The following SLC16A14 variants were observed in gnomAD, a reference collection of about 807,000 sequenced individuals.
SLC16A14 encodes the protein solute carrier family 16 member 14.
A neutral mutation model predicts 35.8 loss-of-function variants in SLC16A14; 14 were observed. The ratio of observed to expected loss-of-function variants is 0.39; its 90% CI spans 0.26 to 0.61. The LOEUF is 0.61. Among genes scored for constraint, SLC16A14 ranks in the 20% least tolerant of loss-of-function variants. The probability of loss-of-function intolerance (pLI) is 0.51; values close to 1 mark genes in which losing one functional copy is unlikely to be tolerated. For synonymous variants in SLC16A14, 248 were observed against 258.9 expected, an observed-to-expected ratio of 0.96 and a Z score of 0.40; for missense variants, 533 against 655.0, an observed-to-expected ratio of 0.81 and a Z score of 2.03.
Position 230,046,241 on chromosome 2 carries a change from C to T in SLC16A14, c.885G>A (p.Lys295=). The T allele has an allele frequency of 6.2e-7, 1 of 1,614,198 alleles. No homozygotes were observed. The highest frequency in any genetic ancestry group is 1.1e-5 in the South Asian group (1 of 91,086). The change falls in exon 4 of 5, where the codon AAG becomes AAA. Residue 295 remains lysine (K), a synonymous_variant. Coordinates refer to ENST00000295190, the MANE Select transcript of SLC16A14 (RefSeq NM_152527.5). The surrounding 1 kb of genome is among the most constrained non-coding windows in gnomAD (Gnocchi z 5.0). ...AGCCCGAATACCAGTCCTCGAAGCC[C>T]TTCCTGACTCTCATGGTGAGCCAGC... The part of the protein sequence containing the change: ...TVSWLTMRVR[K]GFEDWYSGYF...
chr2:230,042,917 T>G (rs997855819), intron 4 of SLC16A14, among the ~76,000 whole-genome samples: 36 of 152,294 alleles, frequency 2.4e-4, no homozygotes, highest in African/African-American at 8.4e-4. Flanking sequence ...TGTGTCACCA[T>G]GAGGCAGTCA....
Position 230,046,379 on chromosome 2 carries a change from C to T in SLC16A14, c.747G>A (p.Lys249=), listed in dbSNP as rs553774163. The T allele has an allele frequency of 5.0e-6, 8 of 1,614,222 alleles. No individual in the cohort carries two copies. The African/African-American group carries it at 1.1e-4, about 22-fold the overall frequency. Residue 249 remains lysine (K), a synonymous_variant, in exon 4 of 5, where the codon AAG becomes AAA. Coordinates refer to ENST00000295190, the MANE Select transcript of SLC16A14 (RefSeq NM_152527.5). This position sits in a 1 kb window ranked among gnomAD's most constrained non-coding sequence, Gnocchi z 5.0. ...STGQQGRTEE[K]DGGLGNEETL... ...TCTCCTCGTTCCCGAGCCCACCATC[C>T]TTCTCTTCTGTTCTTCCCTGCTGTC...
Position 230,037,206 on chromosome 2 carries a change from CCAAA to C in SLC16A14, c.*170_*173del, listed in dbSNP as rs1443012533. 38 of 501,348 alleles carry C rather than the reference CCAAA, an allele frequency of 7.6e-5. No homozygotes were observed. Among genetic ancestry groups the C allele is most frequent in the Middle Eastern group, 3.4e-4 (1 of 2,942 alleles). The allele number at this position is 501,348 out of a possible 1,614,324, so 31.1% of individuals were successfully genotyped here. A position where few individuals can be genotyped will look rare whatever the true frequency, so the allele number is the denominator to read the frequency against. On this transcript the variant is annotated 3_prime_UTR_variant, in exon 5 of 5. Coordinates refer to ENST00000295190, the MANE Select transcript of SLC16A14 (RefSeq NM_152527.5). ...TAAGATCTTCCAGCATTACATCTCC[CCAAA>C]CAGAGAGGCAGTGCTGCTTACAAAT...
At position 230,049,819 on chromosome 2, in the gene SLC16A14, C is replaced by T. The variant is rs757619653; in HGVS notation, c.345G>A (p.Val115=). The T allele has an allele frequency of 3.1e-6, 5 of 1,614,194 alleles. No homozygotes were observed. Among genetic ancestry groups the T allele is most frequent in the Non-Finnish European group, 4.2e-6 (5 of 1,180,030 alleles). Residue 115 remains valine (V), a synonymous_variant, in exon 3 of 5, where the codon GTG becomes GTA. Transcript: ENST00000295190. ...IGGLVNSLGW[V]LSAYAANVHY... ...GCACGTTTGCAGCATAGGCACTCAA[C>T]ACCCAGCCCAGGGAGTTGACGAGCC...
intron 2 of SLC16A14, among the ~76,000 whole-genome samples, chr2:230,056,743 G>A (rs1440046060): frequency 1.3e-5 from 2 of 151,924 alleles, no homozygotes; most frequent in Non-Finnish European, 2.9e-5. Flanking sequence ...GGTAGCATAT[G>A]CCTGTAGTTT....
At chr2:230,067,977 A>G (rs955408425) in intron 1 of SLC16A14, 1 of 151,338 alleles carries the variant, frequency 6.6e-6, no homozygotes, top group Non-Finnish European at 1.5e-5. Context: ...CCGAGACCAC[A>G]TCCCCACTTC....
At position 230,060,752 on chromosome 2, in the gene SLC16A14, GGA is replaced by G. The variant is rs368578384; in HGVS notation, c.-14-1388_-14-1387del. On this transcript the variant is annotated intron_variant, in intron 1 of 4. Transcript: ENST00000295190. ...AGGATAAGGAGCAGGAGTCGGGGGTGGAGAGAGAGAGATATTATGATGATAAT... is the reference window on the plus strand; with the variant it reads ...AGGATAAGGAGCAGGAGTCGGGGGTGGAGAGAGAGATATTATGATGATAAT... Among the ~76,000 whole-genome samples the G allele has an allele frequency of 8.6e-5, 13 of 151,700 alleles. No homozygotes were observed. In the East Asian group the frequency reaches 1.7e-3, roughly 20 times the overall value.
At chr2:230,037,557 A>C in intron 4 of SLC16A14, 26 bp from the exon 5 acceptor site, 2 of 1,542,544 alleles carry the variant, frequency 1.3e-6, no homozygotes, top group Non-Finnish European at 1.7e-6. Flanking sequence ...GAATATATTC[A>C]GTGTCATGGA....
chr2:230,046,285 G>T lies in SLC16A14; in HGVS notation c.841C>A (p.Arg281=), dbSNP rs773202995. 6.2e-6 allele frequency: 10 copies of T among 1,614,148 alleles called. No homozygotes were observed. In the South Asian group the frequency reaches 1.1e-4, roughly 18 times the overall value. Residue 281 remains arginine (R), a synonymous_variant, in exon 4 of 5, where the codon CGG becomes AGG. Transcript: ENST00000295190. This position sits in a 1 kb window ranked among gnomAD's most constrained non-coding sequence, Gnocchi z 5.0. The stretch of plus-strand genomic sequence containing the variant: ...AGCCAGCTGACAGTCTTCAGAATCC[G>T]GAGGGCACACATGTTCTTCCTGTGC... ...AGHRKNMCAL[R]ILKTVSWLTM...
At chr2:230,058,161 A>T (rs547252872) in intron 2 of SLC16A14, 38 of 152,250 alleles carry the variant, frequency 2.5e-4, no homozygotes, top group Non-Finnish European at 5.1e-4. Flanking sequence ...GTACATAATG[A>T]ATTATAATGG....
At chr2:230,040,950 T>C (rs984822859) in intron 4 of SLC16A14, among the ~76,000 whole-genome samples, 3 of 152,180 alleles carry the variant, frequency 2.0e-5, no homozygotes, top group African/African-American at 4.8e-5. Context: ...GCCCTCCTCA[T>C]GCATCCTTCA....
intron 1 of SLC16A14, chr2:230,066,588 G>C: frequency 4.8e-6 from 2 of 417,914 alleles, no homozygotes; most frequent in South Asian, 1.7e-5. Flanking sequence ...TCAGATATTA[G>C]AACAAAATTA....
Position 230,046,077 on chromosome 2 carries a change from T to A in SLC16A14, c.1049A>T (p.Asn350Ile). 6.2e-7 allele frequency: 1 copy of A among 1,614,150 alleles called. No individual in the cohort carries two copies. The highest frequency in any genetic ancestry group is 8.5e-7 in the Non-Finnish European group (1 of 1,179,988). ...AATTGACGTCAGAGGGAAAACGTCG[T>A]TTTGCTCCGATAAGTTATACAAATT... is the stretch of plus-strand genomic sequence containing the variant. ...IVNLYNLSEQ[N>I]DVFPLTSIIA... The change falls in exon 4 of 5, where the codon AAC (asparagine) becomes ATC (isoleucine). Residue 350 changes from asparagine (N) to isoleucine (I), a missense_variant. Asn to Ile is a moderately radical substitution (Grantham distance 149, BLOSUM62 -3). Transcript: ENST00000295190. This position sits in a 1 kb window ranked among gnomAD's most constrained non-coding sequence, Gnocchi z 5.0.
Position 230,046,290 on chromosome 2 carries a change from GCA to G in SLC16A14, c.834_835del (p.Ala279ProfsTer66). 1 of 1,614,172 alleles carries G rather than the reference GCA, an allele frequency of 6.2e-7. No homozygotes were observed. Among genetic ancestry groups the G allele is most frequent in the Non-Finnish European group, 8.5e-7 (1 of 1,180,028 alleles). ...GCTGACAGTCTTCAGAATCCGGAGGGCACACATGTTCTTCCTGTGCCCGGCCT... is the reference window on the plus strand; with the variant it reads ...GCTGACAGTCTTCAGAATCCGGAGGGCACATGTTCTTCCTGTGCCCGGCCT... On this transcript the variant is annotated frameshift_variant, in exon 4 of 5. Transcript: ENST00000295190. LOFTEE classifies it high-confidence loss of function. This position sits in a 1 kb window ranked among gnomAD's most constrained non-coding sequence, Gnocchi z 5.0.
chr2:230,048,845 C>T (rs1044575171), intron 3 of SLC16A14, among the ~76,000 whole-genome samples: 1 of 143,912 alleles, frequency 6.9e-6, no homozygotes, highest in Non-Finnish European at 1.5e-5. Context: ...ATTGCTTGAA[C>T]CCAGGAGGCG....
At position 230,046,076 on chromosome 2, in the gene SLC16A14, GT is replaced by G; in HGVS notation, c.1049del (p.Asn350ThrfsTer6). ...IVNLYNLSEQ[N>X]DVFPLTSIIA... Reference sequence around the variant, plus strand: ...TAATTGACGTCAGAGGGAAAACGTCGTTTTGCTCCGATAAGTTATACAAATT... The same window carrying G: ...TAATTGACGTCAGAGGGAAAACGTCGTTTGCTCCGATAAGTTATACAAATT... On this transcript the variant is annotated frameshift_variant, in exon 4 of 5. Coordinates refer to ENST00000295190, the MANE Select transcript of SLC16A14 (RefSeq NM_152527.5). LOFTEE classifies it high-confidence loss of function. This position sits in a 1 kb window ranked among gnomAD's most constrained non-coding sequence, Gnocchi z 5.0. 6.2e-7 allele frequency: 1 copy of G among 1,614,116 alleles called. No individual in the cohort carries two copies. Among genetic ancestry groups the G allele is most frequent in the Non-Finnish European group, 8.5e-7 (1 of 1,179,990 alleles).
rs1162884184 is a variant in SLC16A14 at position 230,064,290 on chromosome 2, G to C, written c.-15+4265C>G. Among the ~76,000 whole-genome samples the C allele has an allele frequency of 4.9e-5, 5 of 101,860 alleles. No individual in the cohort carries two copies. In the East Asian group the frequency reaches 9.1e-4, roughly 19 times the overall value. The allele number at this position is 101,860 out of a possible 152,430, so 66.8% of individuals were successfully genotyped here. Reference sequence around the variant, plus strand: ...TATGTCTTGGGTTTCAGCCTTGTCTGTGTGTGTGTGTGTGTGTGTGTGTAT... The same window carrying C: ...TATGTCTTGGGTTTCAGCCTTGTCTCTGTGTGTGTGTGTGTGTGTGTGTAT... On this transcript the variant is annotated intron_variant, in intron 1 of 4. Coordinates refer to ENST00000295190, the MANE Select transcript of SLC16A14 (RefSeq NM_152527.5).
chr2:230,044,301 C>T (rs1313192024), intron 4 of SLC16A14, among the ~76,000 whole-genome samples: 1 of 148,502 alleles, frequency 6.7e-6, no homozygotes. Context: ...GGTGAAACCC[C>T]GTCTCTACTT....
In SLC16A14 at chr2:230,046,378, C is replaced by T; in HGVS notation, c.748G>A (p.Asp250Asn). The T allele has an allele frequency of 6.2e-7, 1 of 1,614,022 alleles. No individual in the cohort carries two copies. The stretch of plus-strand genomic sequence containing the variant: ...GTCTCCTCGTTCCCGAGCCCACCAT[C>T]CTTCTCTTCTGTTCTTCCCTGCTGT... ...TGQQGRTEEK[D>N]GGLGNEETLC... is the part of the protein sequence containing the mutation. The change falls in exon 4 of 5, where the codon GAT becomes AAT. Residue 250 changes from aspartate to asparagine, a missense_variant. By Grantham distance (23) the Asp-to-Asn change is conservative (BLOSUM62 1). Coordinates refer to ENST00000295190, the MANE Select transcript of SLC16A14 (RefSeq NM_152527.5). The surrounding 1 kb of genome is among the most constrained non-coding windows in gnomAD (Gnocchi z 5.0).
Sources: allele counts gnomAD v4.1 joint callset (sites outside exome capture counted in the v4.1 genomes callset), GRCh38; gene constraint gnomAD v4.1.1; non-coding constraint Gnocchi (gnomAD v3.1); transcripts MANE v1.5; gene names NCBI Gene and HGNC (gene_info 2026-07-23, HGNC 2026-07-21).